CCDC88C: variants seen among roughly 807,000 people sequenced by gnomAD.
CCDC88C encodes the protein protein Daple.
Under a neutral mutation model 198.8 loss-of-function variants are expected in CCDC88C, and 131 were observed. The ratio of observed to expected loss-of-function variants is 0.66; its 90% CI spans 0.57 to 0.76. CCDC88C has a LOEUF of 0.76. Among genes scored for constraint, CCDC88C ranks in the 30% least tolerant of loss-of-function variants. The pLI is 0.00. For synonymous variants in CCDC88C, 1,166 were observed against 1,114.7 expected, an observed-to-expected ratio of 1.05 and a Z score of -0.92; for missense variants, 2,553 against 2,631.6, an observed-to-expected ratio of 0.97 and a Z score of 0.65.
rs112579678 is a variant in CCDC88C at position 91,313,064 on chromosome 14, G to A, written c.2736+16C>T. ...ATCTGCCAATCCCCTTACAGGCGCC[G>A]CCTGTGTTTGCTCACCTCCCTCAGA... On this transcript the variant is annotated intron_variant, in intron 15 of 29. Coordinates refer to ENST00000389857, the MANE Select transcript of CCDC88C (RefSeq NM_001080414.4). This position sits in a 1 kb window ranked among gnomAD's most constrained non-coding sequence, Gnocchi z 5.2. The A allele has an allele frequency of 7.7e-3, 12,023 of 1,555,914 alleles. 150 individuals carry two copies. The highest frequency in any genetic ancestry group is 0.056 in the African/African-American group (4,109 of 73,566).
chr14:91,321,265 G>A lies in CCDC88C; in HGVS notation c.1382C>T (p.Ala461Val), dbSNP rs763261280. 7.0e-6 allele frequency: 11 copies of A among 1,575,802 alleles called. No homozygotes were observed. The highest frequency in any genetic ancestry group is 7.8e-6 in the Non-Finnish European group (9 of 1,159,844). Residue 461 changes from alanine (A) to valine (V), a missense_variant, in exon 13 of 30, where the codon GCG becomes GTG. By Grantham distance (64) the Ala-to-Val change is moderately conservative. Transcript: ENST00000389857. ...CTCCAGCTTCAGGATGCGGCTGGAC[G>A]CACATTCGTTCAGCTCAAACACAAA... Reference protein sequence around the residue: ...KSFVFELNECASSRILKLEKE... With the variant: ...KSFVFELNECVSSRILKLEKE...
chr14:91,338,942 T>C lies in CCDC88C; in HGVS notation c.809+336A>G. On this transcript the variant is annotated intron_variant, in intron 8 of 29. Coordinates refer to ENST00000389857, the MANE Select transcript of CCDC88C (RefSeq NM_001080414.4). This position sits in a 1 kb window ranked among gnomAD's most constrained non-coding sequence, Gnocchi z 4.8. ...CAGATTGGAGGGAAGGAGGGGCACC[T>C]CATCCCTCCAGCCAAGAAAACACAT... 2.1e-6 allele frequency: 1 copy of C among 480,192 alleles called. No homozygotes were observed. Among genetic ancestry groups the C allele is most frequent in the Non-Finnish European group, 3.8e-6 (1 of 261,084 alleles). The allele number at this position is 480,192 out of a possible 1,614,324, so 29.7% of individuals were successfully genotyped here.
intron 3 of CCDC88C, among the ~76,000 whole-genome samples, chr14:91,402,431 C>A (rs1567124609): frequency 6.6e-6 from 1 of 152,212 alleles, no homozygotes; most frequent in African/African-American, 2.4e-5. Flanking sequence ...AGAAACAAGG[C>A]TGAGCAGAGG....
chr14:91,357,702 G>C (rs936963063), intron 4 of CCDC88C, among the ~76,000 whole-genome samples: 2 of 152,242 alleles, frequency 1.3e-5, no homozygotes, highest in African/African-American at 4.8e-5. Flanking sequence ...CTAGGAAGGT[G>C]GCAGAGTTCT....
chr14:91,289,434 C>T (rs1890567710), intron 24 of CCDC88C, 91 bp from the exon 25 acceptor site: 4 of 1,152,572 alleles, frequency 3.5e-6, no homozygotes, highest in Admixed American at 3.4e-5. Context: ...GGATGTTCTT[C>T]CCCAGTCTGG....
At position 91,273,637 on chromosome 14, in the gene CCDC88C, C is replaced by A. The variant is rs759225705; in HGVS notation, c.5075G>T (p.Arg1692Leu). ...GAAGTAGTCACTCAGCAGGTCATCC[C>A]GGCAACTGGGAGTGTCCTACGGAGA... is the stretch of plus-strand genomic sequence containing the variant. ...SSPTHDTPSC[R>L]DDLLSDYFRK... Residue 1692 changes from arginine (R) to leucine (L), a missense_variant, in exon 30 of 30, where the codon CGG becomes CTG. Coordinates refer to ENST00000389857, the MANE Select transcript of CCDC88C (RefSeq NM_001080414.4). The surrounding 1 kb of genome is among the most constrained non-coding windows in gnomAD (Gnocchi z 5.6). The A allele has an allele frequency of 6.8e-7, 1 of 1,477,754 alleles. No homozygotes were observed. The highest frequency in any genetic ancestry group is 2.5e-5 in the Admixed American group (1 of 40,704). 91.5% of individuals were successfully genotyped at this position (1,477,754 alleles called of 1,614,324 possible). A position where few individuals can be genotyped will look rare whatever the true frequency, so the allele number is the denominator to read the frequency against.
intron 3 of CCDC88C, among the ~76,000 whole-genome samples, chr14:91,394,242 A>G (rs1885700504): frequency 6.6e-6 from 1 of 152,102 alleles, no homozygotes. Flanking sequence ...AACAAAGCAA[A>G]CACCACATGA....
chr14:91,401,347 T>TA (rs1567123925), intron 3 of CCDC88C, among the ~76,000 whole-genome samples: 11 of 130,090 alleles, frequency 8.5e-5, no homozygotes, highest in East Asian at 6.3e-4. Context: ...TATATATATA[T>TA]TTTTTGAGAC....
In CCDC88C at chr14:91,294,311, G is replaced by A; in HGVS notation, c.3974C>T (p.Ser1325Phe). The stretch of plus-strand genomic sequence containing the variant: ...TTCCTCCAAGTTCCCCTTGAGACGG[G>A]AGAGCAGCTAGAACACAGACCAACA... ...TKLDNHCELL[S>F]RLKGNLEEEN... The change falls in exon 23 of 30, where the codon TCC (serine) becomes TTC (phenylalanine). Residue 1325 changes from serine (S) to phenylalanine (F), a missense_variant. By Grantham distance (155) the Ser-to-Phe change is radical. This residue lies in a region of CCDC88C where 1,293 missense variants were observed against 1,219.6 expected (regional missense o/e 1.06). Transcript: ENST00000389857. 5 of 1,613,930 alleles carry A rather than the reference G, an allele frequency of 3.1e-6. No homozygotes were observed. Among genetic ancestry groups the A allele is most frequent in the Non-Finnish European group, 4.2e-6 (5 of 1,179,870 alleles).
intron 3 of CCDC88C, among the ~76,000 whole-genome samples, chr14:91,382,147 G>C (rs912940042): frequency 3.3e-5 from 5 of 152,182 alleles, no homozygotes; most frequent in African/African-American, 1.2e-4. Flanking sequence ...TAAGATGAGA[G>C]ATAGCAAACA....
intron 25 of CCDC88C, among the ~76,000 whole-genome samples, chr14:91,287,586 C>A (rs938500828): frequency 9.4e-5 from 14 of 148,556 alleles, no homozygotes; most frequent in Non-Finnish European, 5.9e-5. Context: ...ATCCTCCTGT[C>A]TTGGCCCCTC....
Position 91,290,609 on chromosome 14 carries a change from G to A in CCDC88C, c.4202+386C>T, listed in dbSNP as rs118180720. Among the ~76,000 whole-genome samples, 747 of 152,322 alleles carry A rather than the reference G, an allele frequency of 4.9e-3. 3 individuals are homozygous for A. Among genetic ancestry groups the A allele is most frequent in the Admixed American group, 8.5e-3 (130 of 15,300 alleles). ...CCACATTTGAAGACCATGGGGGCTGGGCCAAGTGTGCTGCCCAAGCATCCT... is the reference window on the plus strand; with the variant it reads ...CCACATTTGAAGACCATGGGGGCTGAGCCAAGTGTGCTGCCCAAGCATCCT... On this transcript the variant is annotated intron_variant, in intron 24 of 29. Transcript: ENST00000389857.
chr14:91,297,548 G>A (rs562197115), intron 21 of CCDC88C, 57 bp from the exon 22 acceptor site: 11 of 1,517,564 alleles, frequency 7.2e-6, no homozygotes, highest in African/African-American at 4.1e-5. Flanking sequence ...AACAGGTAAC[G>A]GCCCAGAGAC....
intron 3 of CCDC88C, among the ~76,000 whole-genome samples, chr14:91,396,967 C>T (rs1885883335): frequency 6.6e-6 from 1 of 151,832 alleles, no homozygotes; most frequent in African/African-American, 2.4e-5. Flanking sequence ...GATCGCACCA[C>T]TGCACTCCAG....
chr14:91,300,455 C>A (rs1891224804), intron 20 of CCDC88C, among the ~76,000 whole-genome samples: 1 of 152,228 alleles, frequency 6.6e-6, no homozygotes, highest in Non-Finnish European at 1.5e-5. Context: ...ACAAATAAAT[C>A]TAAGAGAAAC....
In CCDC88C at chr14:91,326,277, G is replaced by A. The variant is rs1010410072; in HGVS notation, c.1051-221C>T. Reference sequence around the variant, plus strand: ...CGCCCAGGCTGGGGTGCAGTGGCGCGATCTCAGCTCACTGCAACCTCCACC... The same window carrying A: ...CGCCCAGGCTGGGGTGCAGTGGCGCAATCTCAGCTCACTGCAACCTCCACC... On this transcript the variant is annotated intron_variant, in intron 10 of 29. Transcript: ENST00000389857. 1.5e-3 allele frequency among the ~76,000 whole-genome samples: 224 copies of A among 151,938 alleles called. 4 individuals carry two copies. The highest frequency in any genetic ancestry group is 3.9e-4 in the East Asian group (2 of 5,146).
In CCDC88C at chr14:91,381,973, T is replaced by C. The variant is rs1197252581; in HGVS notation, c.271-22262A>G. Among the ~76,000 whole-genome samples the C allele has an allele frequency of 1.3e-5, 2 of 152,190 alleles. No homozygotes were observed. The highest frequency in any genetic ancestry group is 1.9e-4 in the East Asian group (1 of 5,194). On this transcript the variant is annotated intron_variant, in intron 3 of 29. Transcript: ENST00000389857. The surrounding 1 kb of genome is among the most constrained non-coding windows in gnomAD (Gnocchi z 4.2). ...ATTTTATCACGACATCTTGTCTTCATTGTTTCACACTTTGACTCATCCTCT... is the reference window on the plus strand; with the variant it reads ...ATTTTATCACGACATCTTGTCTTCACTGTTTCACACTTTGACTCATCCTCT...
Position 91,417,750 on chromosome 14 carries a change from G to A in CCDC88C, c.-60C>T. ...CCCCGCGTCCCCGTTCCCCCGCGCC[G>A]CGGCACAAAACGGCTCCGCAGCGAG... On this transcript the variant is annotated 5_prime_UTR_variant, in exon 1 of 30. Coordinates refer to ENST00000389857, the MANE Select transcript of CCDC88C (RefSeq NM_001080414.4). 4.3e-6 allele frequency: 6 copies of A among 1,408,072 alleles called. No homozygotes were observed. Among genetic ancestry groups the A allele is most frequent in the South Asian group, 2.7e-5 (2 of 73,428 alleles). 87.2% of individuals were successfully genotyped at this position (1,408,072 alleles called of 1,614,324 possible). A position where few individuals can be genotyped will look rare whatever the true frequency, so the allele number is the denominator to read the frequency against.
chr14:91,339,194 G>A lies in CCDC88C; in HGVS notation c.809+84C>T. 1 of 1,500,810 alleles carries A rather than the reference G, an allele frequency of 6.7e-7. No homozygotes were observed. The highest frequency in any genetic ancestry group is 1.2e-5 in the South Asian group (1 of 84,072). The allele number at this position is 1,500,810 out of a possible 1,614,324, so 93.0% of individuals were successfully genotyped here. Reference sequence around the variant, plus strand: ...GGCACACGTCAGAGCTGTGCCATTGGCAGCACCACACATGTGAGTCGACAC... The same window carrying A: ...GGCACACGTCAGAGCTGTGCCATTGACAGCACCACACATGTGAGTCGACAC... On this transcript the variant is annotated intron_variant, in intron 8 of 29. Transcript: ENST00000389857. The surrounding 1 kb of genome is among the most constrained non-coding windows in gnomAD (Gnocchi z 5.8).
Sources: gnomAD v4.1 joint callset for allele counts (sites outside exome capture counted in the v4.1 genomes callset) on GRCh38, gnomAD v4.1.1 for gene constraint, gnomAD v4.1.1 regional missense constraint, Gnocchi (gnomAD v3.1) non-coding constraint, MANE v1.5 for transcripts, NCBI Gene and HGNC (gene_info 2026-07-23, HGNC 2026-07-21) for gene names.